Variants in MYO19 observed in about 807,000 individuals in gnomAD.
The protein encoded by MYO19 is myosin XIX.
In MYO19, 132 loss-of-function variants were observed where a neutral mutation model predicts 129.2. The observed-to-expected ratio is 1.02, with a 90% CI of 0.89 to 1.18. The LOEUF (loss-of-function observed/expected upper bound fraction) is 1.18, where lower values mean the gene tolerates loss of function less well. Ranked by LOEUF, MYO19 falls within the 50% of genes most tolerant of loss-of-function variation. MYO19 has a pLI of 0.00. For missense variants in MYO19, 1,210 were observed against 1,216.7 expected, an observed-to-expected ratio of 0.99 and a Z score of 0.08; for synonymous variants, 531 against 477.2, an observed-to-expected ratio of 1.11 and a Z score of -1.47.
upstream of MYO19, among the ~76,000 whole-genome samples, chr17:36,544,405 C>T (rs899440090): frequency 2.0e-5 from 3 of 152,186 alleles, no homozygotes; most frequent in Non-Finnish European, 2.9e-5. Flanking sequence ...GCGTCAAGGG[C>T]CAAGAGCCAG....
At position 36,496,415 on chromosome 17, in the gene MYO19, G is replaced by T; in HGVS notation, c.2758-9C>A. 1 of 1,613,464 alleles carries T rather than the reference G, an allele frequency of 6.2e-7. No individual in the cohort carries two copies. Among genetic ancestry groups the T allele is most frequent in the African/African-American group, 1.3e-5 (1 of 75,024 alleles). ...TGAAACTTTATCGATCCCTAGAGGGGAGAGAGAGATGCAGCTTTAGCACTA... is the reference window on the plus strand; with the variant it reads ...TGAAACTTTATCGATCCCTAGAGGGTAGAGAGAGATGCAGCTTTAGCACTA... On this transcript the variant is annotated splice_polypyrimidine_tract_variant and intron_variant, in intron 25 of 25. Transcript: ENST00000614623.
At chr17:36,512,777 G>A (rs1002928943) in intron 11 of MYO19, 28 of 1,287,928 alleles carry the variant, frequency 2.2e-5, no homozygotes, top group African/African-American at 1.2e-4. Flanking sequence ...CCCTCCTGCT[G>A]CTCTAGAGGG....
chr17:36,537,206 C>T (rs2142613785), upstream of MYO19: 1 of 1,614,128 alleles, frequency 6.2e-7, no homozygotes, highest in East Asian at 2.2e-5. Flanking sequence ...GTATCCTGTG[C>T]AGAGGGTTCC....
chr17:36,535,027 C>T (rs904777983), upstream of MYO19: 2 of 152,374 alleles, frequency 1.3e-5, no homozygotes, highest in Non-Finnish European at 2.9e-5. Context: ...GCCGGGACGC[C>T]TGGTCCGGCT....
intron 5 of MYO19, among the ~76,000 whole-genome samples, chr17:36,525,982 C>T (rs2073439333): frequency 1.3e-5 from 2 of 152,166 alleles, no homozygotes; most frequent in Non-Finnish European, 2.9e-5. Context: ...CAACTGGATA[C>T]CTCATCACGC....
chr17:36,512,527 C>G (rs1180864986), intron 11 of MYO19: 1 of 1,024,232 alleles, frequency 9.8e-7, no homozygotes, highest in African/African-American at 1.7e-5. Flanking sequence ...CAGAAGACTG[C>G]CATGCCCACC....
chr17:36,507,315 C>G, intron 16 of MYO19, 84 bp downstream of exon 16: 3 of 1,453,522 alleles, frequency 2.1e-6, no homozygotes, highest in East Asian at 4.6e-5. Flanking sequence ...GAGAGAGGCA[C>G]AGAGAGGAAA....
At chr17:36,500,793 T>C in intron 23 of MYO19, 37 bp downstream of exon 23, 3 of 1,578,740 alleles carry the variant, frequency 1.9e-6, no homozygotes, top group Non-Finnish European at 2.6e-6. Flanking sequence ...TCCTGTGGGG[T>C]CTGTGAGCAG....
intron 20 of MYO19, among the ~76,000 whole-genome samples, chr17:36,503,530 C>G (rs896550347): frequency 1.3e-5 from 2 of 152,240 alleles, no homozygotes; most frequent in African/African-American, 4.8e-5. Flanking sequence ...TTGGACCAGT[C>G]CTATGACGCA....
Position 36,496,277 on chromosome 17 carries a change from A to C in MYO19, c.2887T>G (p.Ser963Ala). The change falls in exon 26 of 26, where the codon TCT becomes GCT. Residue 963 changes from serine to alanine, a missense_variant. By Grantham distance (99) the Ser-to-Ala change is moderately conservative. Transcript: ENST00000614623. ...LERHRLIHVT[S>A]SAFTGLG ...CACCCCAGCCCAGTGAAGGCAGAAG[A>C]GGTCACGTGGATCAGCCTGTGTCTT... 1 of 1,614,052 alleles carries C rather than the reference A, an allele frequency of 6.2e-7. No individual in the cohort carries two copies. Among genetic ancestry groups the C allele is most frequent in the Non-Finnish European group, 8.5e-7 (1 of 1,179,904 alleles).
At chr17:36,497,716 C>G (rs1301655931) in intron 25 of MYO19, 2 of 208,814 alleles carry the variant, frequency 9.6e-6, no homozygotes, top group Admixed American at 1.3e-4. Context: ...TCCCGAGCAG[C>G]TGGGACTACA....
chr17:36,542,474 C>T (rs12949019), intron 1 of MYO19, among the ~76,000 whole-genome samples: 26 of 151,914 alleles, frequency 1.7e-4, no homozygotes, highest in Non-Finnish European at 2.9e-4. Flanking sequence ...CCGAGGCGGG[C>T]GGATCAAGAG....
At chr17:36,498,981 T>C in intron 24 of MYO19, 94 bp downstream of exon 24, 1 of 1,003,526 alleles carries the variant, frequency 1.0e-6, no homozygotes, top group Non-Finnish European at 1.5e-6. Flanking sequence ...CAAGGCCACC[T>C]GCATTGCAGT....
In MYO19 at chr17:36,495,759, T is replaced by C. The variant is rs549401983; in HGVS notation, c.*492A>G. On this transcript the variant is annotated 3_prime_UTR_variant, in exon 26 of 26. Transcript: ENST00000614623. ...AATCAAAACGTGATTCTACTGTACA[T>C]TGCATTATTCATAATTTAATTGTTT... 2.4e-4 allele frequency: 295 copies of C among 1,245,190 alleles called. 1 individual carries two copies. The highest frequency in any genetic ancestry group is 2.1e-3 in the African/African-American group (138 of 64,808). The allele number at this position is 1,245,190 out of a possible 1,614,324, so 77.1% of individuals were successfully genotyped here. A position where few individuals can be genotyped will look rare whatever the true frequency, so the allele number is the denominator to read the frequency against.
chr17:36,510,784 G>A lies in MYO19; in HGVS notation c.1119C>T (p.Asp373=). ...FRKPCARAEC[D]TRRDCLAKLI... is the part of the protein sequence containing the mutation. ...GTTTGGCCAGGCAGTCTCTACGGGT[G>A]TCACACTCGGCTCGGGCGCAGGGCT... The change falls in exon 13 of 26, where the codon GAC becomes GAT. Residue 373 remains aspartate (D), a synonymous_variant. Transcript: ENST00000614623. 5 of 1,607,454 alleles carry A rather than the reference G, an allele frequency of 3.1e-6. No homozygotes were observed. The highest frequency in any genetic ancestry group is 4.2e-6 in the Non-Finnish European group (5 of 1,177,034).
intron 5 of MYO19, 44 bp downstream of exon 5, chr17:36,527,507 G>A (rs1221619233): frequency 6.3e-7 from 1 of 1,595,004 alleles, no homozygotes; most frequent in African/African-American, 1.3e-5. Context: ...GGTTTAGCGG[G>A]AGGTAGAGGA....
chr17:36,504,838 G>A (rs1351253538), intron 19 of MYO19: 3 of 212,370 alleles, frequency 1.4e-5, no homozygotes, highest in Non-Finnish European at 2.9e-5. Context: ...ACTTGAACTC[G>A]GGAGGCGGAA....
intron 3 of MYO19, among the ~76,000 whole-genome samples, chr17:36,531,251 C>G (rs1321023333): frequency 2.0e-5 from 3 of 151,532 alleles, no homozygotes; most frequent in African/African-American, 7.3e-5. Context: ...AAAAATTAGC[C>G]AGGCGTGGTG....
At chr17:36,520,418 T>G (rs1333789420) in intron 6 of MYO19, among the ~76,000 whole-genome samples, 1 of 152,228 alleles carries the variant, frequency 6.6e-6, no homozygotes, top group Non-Finnish European at 1.5e-5. Flanking sequence ...TGTAAAAATA[T>G]TACTTTTGAC....
Sources: allele counts gnomAD v4.1 joint callset (sites outside exome capture counted in the v4.1 genomes callset), GRCh38; gene constraint gnomAD v4.1.1; transcripts MANE v1.5; gene names NCBI Gene and HGNC (gene_info 2026-07-23, HGNC 2026-07-21).